ZC3H12C: variants seen among roughly 807,000 people sequenced by gnomAD.
ZC3H12C encodes the protein zinc finger CCCH-type containing 12C, also known as probable ribonuclease ZC3H12C.
ZC3H12C carries 20 observed loss-of-function variants against 76.3 expected under a neutral mutation model. The observed-to-expected ratio is 0.26, with a 90% CI of 0.18 to 0.38. The LOEUF (loss-of-function observed/expected upper bound fraction) is 0.38, where lower values mean the gene tolerates loss of function less well. ZC3H12C is among the 10% of genes least tolerant of loss of function. ZC3H12C has a pLI of 1.00. For synonymous variants in ZC3H12C, 352 were observed against 399.6 expected (o/e 0.88, Z 1.42); for missense variants, 874 against 1,086.5 (o/e 0.80, Z 2.75).
chr11:110,096,847 G>A (rs918320170), intron 1 of ZC3H12C, among the ~76,000 whole-genome samples: 2 of 152,194 alleles, frequency 1.3e-5, no homozygotes, highest in African/African-American at 4.8e-5. Context: ...CTTTTTGCCA[G>A]GCTGCTTGAG....
intron 1 of ZC3H12C, among the ~76,000 whole-genome samples, chr11:110,127,088 A>G (rs1045887284): frequency 3.3e-5 from 5 of 152,176 alleles, no homozygotes; most frequent in Admixed American, 2.6e-4. Context: ...GAAAAGTGGC[A>G]TGGTTTCATG....
intron 1 of ZC3H12C, among the ~76,000 whole-genome samples, chr11:110,126,744 T>C (rs1861755671): frequency 6.6e-6 from 1 of 152,198 alleles, no homozygotes; most frequent in African/African-American, 2.4e-5. Context: ...CCAATAATGC[T>C]ACTTTCATTG....
rs369911747 is a variant in ZC3H12C, at chr11:110,159,259, A to G, written c.917A>G (p.Gln306Arg). 2.7e-5 allele frequency: 44 copies of G among 1,606,212 alleles called. No individual in the cohort carries two copies. The highest frequency in any genetic ancestry group is 3.5e-5 in the Non-Finnish European group (41 of 1,175,898). ...QSRPDALITD[Q>R]EILRKLEKEK... is the part of the protein sequence containing the mutation. ...CCTACCGTCATTATTCTTGCAGATC[A>G]GGAAATTTTACGTAAATTAGAGAAG... Residue 306 changes from glutamine to arginine, a missense_variant, in exon 4 of 6, where the codon CAG (glutamine) becomes CGG (arginine). Coordinates refer to ENST00000278590, the MANE Select transcript of ZC3H12C (RefSeq NM_033390.2).
At chr11:110,133,283 A>G (rs1861898021) in intron 1 of ZC3H12C, among the ~76,000 whole-genome samples, 2 of 152,162 alleles carry the variant, frequency 1.3e-5, no homozygotes, top group Non-Finnish European at 2.9e-5. Context: ...AATTTGTAGT[A>G]TGTTTATAGG....
intron 1 of ZC3H12C, among the ~76,000 whole-genome samples, chr11:110,125,893 C>T (rs1439129368): frequency 1.1e-5 from 1 of 92,394 alleles, no homozygotes; most frequent in African/African-American, 4.5e-5. Flanking sequence ...GAACATAGTG[C>T]TGAATCATCA....
intron 1 of ZC3H12C, among the ~76,000 whole-genome samples, chr11:110,116,758 C>T (rs550689980): frequency 6.3e-4 from 96 of 152,276 alleles, no homozygotes; most frequent in African/African-American, 2.0e-3. Flanking sequence ...ATCTTCATAA[C>T]AACCCTATGC....
chr11:110,106,577 G>A (rs190698702), intron 1 of ZC3H12C, among the ~76,000 whole-genome samples: 1 of 152,148 alleles, frequency 6.6e-6, no homozygotes, highest in African/African-American at 2.4e-5. Flanking sequence ...ACATATCGTG[G>A]TAATGTCATG....
rs576986954 is a variant in ZC3H12C at position 110,165,942 on chromosome 11, T to C, written c.*205T>C. 89 of 549,662 alleles carry C rather than the reference T, an allele frequency of 1.6e-4. No individual in the cohort carries two copies. Among genetic ancestry groups the C allele is most frequent in the Non-Finnish European group, 2.3e-4 (74 of 325,598 alleles). 34.0% of individuals were successfully genotyped at this position (549,662 alleles called of 1,614,324 possible). ...GATTGCTTTACATTTAAACTTTTTT[T>C]TTTTAACATTTCCTTTTTAAAGCTA... On this transcript the variant is annotated 3_prime_UTR_variant, in exon 6 of 6. Transcript: ENST00000278590.
chr11:110,164,190 T>G lies in ZC3H12C; in HGVS notation c.1256-151T>G. 1 of 687,938 alleles carries G rather than the reference T, an allele frequency of 1.5e-6. No individual in the cohort carries two copies. The highest frequency in any genetic ancestry group is 2.3e-6 in the Non-Finnish European group (1 of 428,180). 42.6% of individuals were successfully genotyped at this position (687,938 alleles called of 1,614,324 possible). On this transcript the variant is annotated intron_variant, in intron 5 of 5. Transcript: ENST00000278590. This position sits in a 1 kb window ranked among gnomAD's most constrained non-coding sequence, Gnocchi z 5.7. ...GTAAAGAAATGAGAAGACTGAGAAGTGACGTTTCTCAAGAGTAAAGAACAG... is the reference window on the plus strand; with the variant it reads ...GTAAAGAAATGAGAAGACTGAGAAGGGACGTTTCTCAAGAGTAAAGAACAG...
intron 2 of ZC3H12C, among the ~76,000 whole-genome samples, chr11:110,137,819 A>G (rs116998351): frequency 0.022 from 3,364 of 152,358 alleles, 49 homozygotes; most frequent in Non-Finnish European, 0.033. Flanking sequence ...TCTAGAAAAT[A>G]AACTATGTAT....
intron 1 of ZC3H12C, among the ~76,000 whole-genome samples, chr11:110,106,652 C>T (rs1307571016): frequency 2.6e-5 from 4 of 152,110 alleles, no homozygotes; most frequent in African/African-American, 9.7e-5. Context: ...GAAATGTTAG[C>T]TATCATTTAT....
intron 1 of ZC3H12C, among the ~76,000 whole-genome samples, chr11:110,108,327 T>A (rs1861369072): frequency 2.0e-5 from 3 of 152,222 alleles, no homozygotes; most frequent in African/African-American, 7.2e-5. Flanking sequence ...GCAAGAGCAC[T>A]GTTTGAAAGC....
chr11:110,115,363 C>T (rs192827217), intron 1 of ZC3H12C, among the ~76,000 whole-genome samples: 58 of 152,216 alleles, frequency 3.8e-4, no homozygotes, highest in African/African-American at 1.2e-3. Flanking sequence ...AGTGCAGTGG[C>T]GTGATCTTGG....
At chr11:110,101,610 C>T (rs1360094330) in intron 1 of ZC3H12C, among the ~76,000 whole-genome samples, 4 of 149,550 alleles carry the variant, frequency 2.7e-5, no homozygotes, top group South Asian at 2.1e-4. Context: ...TGCAGTGGTG[C>T]GATCTCAGCT....
intron 3 of ZC3H12C, among the ~76,000 whole-genome samples, chr11:110,154,264 G>A (rs921842137): frequency 6.6e-6 from 1 of 151,538 alleles, no homozygotes; most frequent in Non-Finnish European, 1.5e-5. Flanking sequence ...CCAGATACCC[G>A]AGAGCTGAAG....
chr11:110,125,414 A>G (rs7482993), intron 1 of ZC3H12C, among the ~76,000 whole-genome samples: 106,438 of 149,910 alleles, frequency 0.71, 38,223 homozygotes, highest in East Asian at 0.89. Context: ...CTCCACCTCC[A>G]GGTTCAAGGG....
At position 110,165,935 on chromosome 11, in the gene ZC3H12C, CTT is replaced by C. The variant is rs35138658; in HGVS notation, c.*208_*209del. 5.3e-4 allele frequency: 256 copies of C among 485,594 alleles called. No homozygotes were observed. Among genetic ancestry groups the C allele is most frequent in the Middle Eastern group, 1.7e-3 (3 of 1,808 alleles). The allele number at this position is 485,594 out of a possible 1,614,324, so 30.1% of individuals were successfully genotyped here. On this transcript the variant is annotated 3_prime_UTR_variant, in exon 6 of 6. Transcript: ENST00000278590. ...ATCACGGGATTGCTTTACATTTAAA[CTT>C]TTTTTTTTTAACATTTCCTTTTTAA...
chr11:110,105,376 TC>T (rs1325749408), intron 1 of ZC3H12C, among the ~76,000 whole-genome samples: 1 of 152,216 alleles, frequency 6.6e-6, no homozygotes, highest in Non-Finnish European at 1.5e-5. Flanking sequence ...ATACATTATT[TC>T]TAGTTTTGCT....
At chr11:110,129,771 T>C (rs1172822298) in intron 1 of ZC3H12C, among the ~76,000 whole-genome samples, 1 of 152,202 alleles carries the variant, frequency 6.6e-6, no homozygotes, top group Non-Finnish European at 1.5e-5. Flanking sequence ...CCTTTTTCTT[T>C]AGTAGGGAAA....
Sources: gnomAD v4.1 joint callset for allele counts (sites outside exome capture counted in the v4.1 genomes callset) on GRCh38, gnomAD v4.1.1 for gene constraint, Gnocchi (gnomAD v3.1) non-coding constraint, MANE v1.5 for transcripts, NCBI Gene and HGNC (gene_info 2026-07-23, HGNC 2026-07-21) for gene names.